ASAP2: variants seen among roughly 807,000 people sequenced by gnomAD.
ASAP2 encodes the protein arf-GAP with SH3 domain, ANK repeat and PH domain-containing protein 2.
In ASAP2, 45 loss-of-function variants were observed where a neutral mutation model predicts 131.4. The ratio of observed to expected loss-of-function variants is 0.34; its 90% CI spans 0.27 to 0.44. ASAP2 has a LOEUF of 0.44. ASAP2 is among the 20% of genes least tolerant of loss of function. The pLI is 1.00. For synonymous variants in ASAP2, 510 were observed against 503.0 expected (o/e 1.01, Z -0.19); for missense variants, 1,011 against 1,297.0 (o/e 0.78, Z 3.39).
At chr2:9,342,500 A>G (rs75073451) in intron 9 of ASAP2, among the ~76,000 whole-genome samples, 2 of 152,336 alleles carry the variant, frequency 1.3e-5, no homozygotes, top group African/African-American at 4.8e-5. Context: ...CATAATCACA[A>G]TTAATTCAAA....
chr2:9,318,034 CT>C (rs1353950517), intron 3 of ASAP2, among the ~76,000 whole-genome samples: 1 of 152,190 alleles, frequency 6.6e-6, no homozygotes, highest in African/African-American at 2.4e-5. Flanking sequence ...CCAGCATTCG[CT>C]CGTGTGCCTT....
At chr2:9,242,625 C>CAT (rs1009588482) in intron 1 of ASAP2, among the ~76,000 whole-genome samples, 1 of 152,216 alleles carries the variant, frequency 6.6e-6, no homozygotes, top group Admixed American at 6.5e-5. Context: ...GTCGCGGGAT[C>CAT]ACCTTTCAAA....
intron 4 of ASAP2, 79 bp downstream of exon 4, chr2:9,318,677 GCCACGCCAGT>G: frequency 1.1e-6 from 1 of 914,158 alleles, no homozygotes; most frequent in Non-Finnish European, 1.7e-6. Flanking sequence ...CCGGGCAGCA[GCCACGCCAGT>G]ACGTTCTCAT....
chr2:9,290,812 C>T (rs77337435), intron 2 of ASAP2, among the ~76,000 whole-genome samples: 5,984 of 152,256 alleles, frequency 0.039, 293 homozygotes, highest in African/African-American at 0.11. Context: ...CTTGTTCACA[C>T]TCTGACAGTC....
At position 9,391,294 on chromosome 2, in the gene ASAP2, G is replaced by A. The variant is rs111880801; in HGVS notation, c.2518+98G>A. 97 of 1,478,682 alleles carry A rather than the reference G, an allele frequency of 6.6e-5. No individual in the cohort carries two copies. In the African/African-American group the frequency reaches 1.1e-3, roughly 16 times the overall value. The allele number at this position is 1,478,682 out of a possible 1,614,324, so 91.6% of individuals were successfully genotyped here. ...GCCACACAGCTGCCAGCACAGACACGTGCCAAGTGCCCCGTGTTGTATGGC... is the reference window on the plus strand; with the variant it reads ...GCCACACAGCTGCCAGCACAGACACATGCCAAGTGCCCCGTGTTGTATGGC... On this transcript the variant is annotated intron_variant, in intron 23 of 27. Transcript: ENST00000281419.
intron 20 of ASAP2, among the ~76,000 whole-genome samples, chr2:9,383,563 A>G (rs569464272): frequency 6.6e-6 from 1 of 152,162 alleles, no homozygotes; most frequent in Non-Finnish European, 1.5e-5. Flanking sequence ...TGGATGGTAA[A>G]CAATTACATT....
intron 1 of ASAP2, among the ~76,000 whole-genome samples, chr2:9,255,865 T>C (rs1021165392): frequency 6.6e-6 from 1 of 152,162 alleles, no homozygotes; most frequent in African/African-American, 2.4e-5. Flanking sequence ...TTGGTAAACA[T>C]TGGGCTGGGG....
chr2:9,400,113 C>T, intron 25 of ASAP2, 41 bp downstream of exon 25: 1 of 1,582,890 alleles, frequency 6.3e-7, no homozygotes, highest in Non-Finnish European at 8.6e-7. Context: ...TCTGCTTGGT[C>T]CATGGGGGCA....
chr2:9,282,494 A>T (rs536458941), intron 2 of ASAP2, among the ~76,000 whole-genome samples: 3 of 152,110 alleles, frequency 2.0e-5, no homozygotes, highest in Non-Finnish European at 4.4e-5. Context: ...GATAGATTAA[A>T]TTTTTTTAGA....
intron 1 of ASAP2, among the ~76,000 whole-genome samples, chr2:9,250,972 G>C (rs1664663526): frequency 6.6e-6 from 1 of 152,240 alleles, no homozygotes. Flanking sequence ...ACAGAGATAA[G>C]ATGGGAACCC....
In ASAP2 at chr2:9,379,694, G is replaced by A. The variant is rs999562266; in HGVS notation, c.1948+635G>A. 2.6e-5 allele frequency among the ~76,000 whole-genome samples: 4 copies of A among 152,128 alleles called. No homozygotes were observed. In the East Asian group the frequency reaches 7.7e-4, roughly 29 times the overall value. The stretch of plus-strand genomic sequence containing the variant: ...AGACACACATCTGCCTGAGAGCCGT[G>A]CTTATCATTAAAAAACTAATAATCA... On this transcript the variant is annotated intron_variant, in intron 19 of 27. Coordinates refer to ENST00000281419, the MANE Select transcript of ASAP2 (RefSeq NM_003887.3).
rs1331271695 is a variant in ASAP2, at chr2:9,309,333, C to T, written c.346-9191C>T. 4.6e-5 allele frequency among the ~76,000 whole-genome samples: 7 copies of T among 152,274 alleles called. No individual in the cohort carries two copies. In the South Asian group the frequency reaches 1.5e-3, roughly 32 times the overall value. ...GGTACACGCAACTACATGAATGAAT[C>T]GCACAGTCATGCGCAGTCCCAAAAT... On this transcript the variant is annotated intron_variant, in intron 3 of 27. Coordinates refer to ENST00000281419, the MANE Select transcript of ASAP2 (RefSeq NM_003887.3).
intron 2 of ASAP2, among the ~76,000 whole-genome samples, chr2:9,284,860 T>C (rs949496612): frequency 7.2e-5 from 11 of 152,206 alleles, no homozygotes; most frequent in Admixed American, 6.5e-4. Flanking sequence ...GGCCCTGTAT[T>C]CTATTCTTTG....
chr2:9,323,031 C>T (rs1023953254), intron 5 of ASAP2, 90 bp from the exon 6 acceptor site: 16 of 1,522,134 alleles, frequency 1.1e-5, no homozygotes, highest in Middle Eastern at 1.8e-4. Context: ...GCGTTGGTCT[C>T]GCCAGGCTGG....
chr2:9,262,894 G>A (rs1046662421), intron 1 of ASAP2, among the ~76,000 whole-genome samples: 5 of 152,212 alleles, frequency 3.3e-5, no homozygotes, highest in African/African-American at 1.2e-4. Flanking sequence ...AGAAAACTCG[G>A]CTATCTTACA....
At chr2:9,288,707 C>G (rs1667617384) in intron 2 of ASAP2, among the ~76,000 whole-genome samples, 1 of 152,118 alleles carries the variant, frequency 6.6e-6, no homozygotes, top group South Asian at 2.1e-4. Context: ...ATGTTGAATT[C>G]ACCTCTTGGC....
At chr2:9,349,209 T>C (rs1241037540) in intron 11 of ASAP2, among the ~76,000 whole-genome samples, 1 of 152,242 alleles carries the variant, frequency 6.6e-6, no homozygotes, top group African/African-American at 2.4e-5. Context: ...ATTTTGTCCA[T>C]GAAGGTGCTT....
Position 9,356,092 on chromosome 2 carries a change from A to T in ASAP2, c.1157A>T (p.Gln386Leu), listed in dbSNP as rs754985599. 1.9e-6 allele frequency: 3 copies of T among 1,614,236 alleles called. No individual in the cohort carries two copies. The highest frequency in any genetic ancestry group is 2.5e-6 in the Non-Finnish European group (3 of 1,180,044). ...CAAGCTGAAGATGAACAGGAATGTCAAATGTAAGTTACATGGTGGTGGGAC... is the reference window on the plus strand; with the variant it reads ...CAAGCTGAAGATGAACAGGAATGTCTAATGTAAGTTACATGGTGGTGGGAC... ...HFQAEDEQEC[Q>L]IWMSVLQNSK... Residue 386 changes from glutamine to leucine, a missense_variant, in exon 13 of 28, where the codon CAA becomes CTA. Around this residue, in one of 2 missense-constraint regions of ASAP2, gnomAD observed 359 missense variants for 598.1 expected, o/e 0.60. Transcript: ENST00000281419.
At chr2:9,317,056 TCCACACAACCACACAAAATCACATC>T (rs1669736826) in intron 3 of ASAP2, among the ~76,000 whole-genome samples, 1 of 139,632 alleles carries the variant, frequency 7.2e-6, no homozygotes, top group African/African-American at 2.7e-5. Flanking sequence ...ACATCCACAC[TCCACACAACCACACAAAATCACATC>T]CACACACACA....
Sources: gnomAD v4.1 joint callset for allele counts (sites outside exome capture counted in the v4.1 genomes callset) on GRCh38, gnomAD v4.1.1 for gene constraint, gnomAD v4.1.1 regional missense constraint, MANE v1.5 for transcripts, NCBI Gene and HGNC (gene_info 2026-07-23, HGNC 2026-07-21) for gene names.